GTF3C2: variants seen among roughly 807,000 people sequenced by gnomAD.
The protein encoded by GTF3C2 is general transcription factor IIIC subunit 2, also known as general transcription factor 3C polypeptide 2.
In GTF3C2, 17 loss-of-function variants were observed where a neutral mutation model predicts 117.4. The ratio of observed to expected loss-of-function variants is 0.14; its 90% CI spans 0.10 to 0.22. The LOEUF (loss-of-function observed/expected upper bound fraction) is 0.22, where lower values mean the gene tolerates loss of function less well. Ranked by LOEUF, GTF3C2 falls within the 10% of genes least tolerant of loss-of-function variation. GTF3C2 has a pLI of 1.00. For missense variants in GTF3C2, 888 were observed against 1,143.6 expected, an observed-to-expected ratio of 0.78 and a Z score of 3.22; for synonymous variants, 437 against 427.0, an observed-to-expected ratio of 1.02 and a Z score of -0.29.
chr2:27,338,107 TTC>T, intron 4 of GTF3C2, 87 bp from the exon 5 acceptor site: 1 of 829,422 alleles, frequency 1.2e-6, no homozygotes, highest in Non-Finnish European at 2.1e-6. Flanking sequence ...AGTTTTTATC[TTC>T]TTTGGCAATA....
intron 17 of GTF3C2, 42 bp from the exon 18 acceptor site, chr2:27,327,326 T>C (rs1439221988): frequency 3.7e-6 from 4 of 1,088,956 alleles, no homozygotes; most frequent in Admixed American, 1.9e-5. Context: ...AGTGAGACGC[T>C]CGTTTGTTTT....
chr2:27,326,414 C>G, exon 19 of GTF3C2: 1 of 568,192 alleles, frequency 1.8e-6, no homozygotes, highest in Non-Finnish European at 3.2e-6. Context: ...CTAGGTCAGG[C>G]CTGAGTGTTT....
chr2:27,347,969 A>G (rs941217090), intron 1 of GTF3C2, among the ~76,000 whole-genome samples: 1 of 152,008 alleles, frequency 6.6e-6, no homozygotes, highest in Non-Finnish European at 1.5e-5. Context: ...CCCTGTCTCT[A>G]CAGAAAAATA....
chr2:27,343,469 T>C, exon 2 of GTF3C2: 1 of 1,614,084 alleles, frequency 6.2e-7, no homozygotes, highest in East Asian at 2.2e-5. Context: ...ATTTAGCACC[T>C]CTTGTCCAGG....
chr2:27,353,525 G>A (rs1005202389), intron 1 of GTF3C2, among the ~76,000 whole-genome samples: 2 of 151,732 alleles, frequency 1.3e-5, no homozygotes, highest in Middle Eastern at 3.2e-3. Context: ...CGCTGCCTCC[G>A]CCTCTGGGGT....
At chr2:27,354,348 G>C (rs1029612692) in intron 1 of GTF3C2, among the ~76,000 whole-genome samples, 14 of 152,126 alleles carry the variant, frequency 9.2e-5, no homozygotes, top group African/African-American at 3.4e-4. Context: ...GAAGCAGACT[G>C]ACCACGTCTA....
chr2:27,334,296 T>C (rs939132167), intron 10 of GTF3C2, among the ~76,000 whole-genome samples: 3 of 152,124 alleles, frequency 2.0e-5, no homozygotes, highest in East Asian at 1.9e-4. Flanking sequence ...TTATCCTTTA[T>C]TGAGAAAGTC....
intron 10 of GTF3C2, among the ~76,000 whole-genome samples, chr2:27,334,984 T>C (rs1445200038): frequency 6.6e-6 from 1 of 152,118 alleles, no homozygotes; most frequent in African/African-American, 2.4e-5. Context: ...ATATTTACTA[T>C]CTTTACTTTC....
chr2:27,348,868 C>T (rs1196023771), intron 1 of GTF3C2, among the ~76,000 whole-genome samples: 2 of 152,156 alleles, frequency 1.3e-5, no homozygotes, highest in Non-Finnish European at 1.5e-5. Context: ...TGGAGTCTTG[C>T]TCTTGTCACC....
chr2:27,346,330 C>A (rs9711708), intron 1 of GTF3C2, among the ~76,000 whole-genome samples: 6 of 64,302 alleles, frequency 9.3e-5, no homozygotes, highest in Admixed American at 2.3e-4. Context: ...ATTCTGATAC[C>A]TTTTTTTTTT....
intron 1 of GTF3C2, among the ~76,000 whole-genome samples, chr2:27,345,871 A>G (rs1680900000): frequency 6.6e-6 from 1 of 150,702 alleles, no homozygotes; most frequent in Admixed American, 6.6e-5. Flanking sequence ...CCGCCACCAC[A>G]CCCAGCTAAA....
chr2:27,342,328 A>G, intron 3 of GTF3C2, 95 bp from the exon 4 acceptor site: 1 of 973,326 alleles, frequency 1.0e-6, no homozygotes. Context: ...GAGCCTCCCA[A>G]TAACCCCATG....
chr2:27,328,008 C>A (rs1441924889), intron 17 of GTF3C2, 29 bp downstream of exon 17: 2 of 1,583,202 alleles, frequency 1.3e-6, no homozygotes, highest in Non-Finnish European at 1.7e-6. Context: ...TTTTCTAATA[C>A]CACACCCATT....
chr2:27,335,730 G>A (rs1680441913), intron 9 of GTF3C2, 24 bp from the exon 10 acceptor site: 1 of 1,449,872 alleles, frequency 6.9e-7, no homozygotes, highest in Non-Finnish European at 9.5e-7. Flanking sequence ...GGTATGCTGA[G>A]GCTTGCTGCC....
At position 27,329,332 on chromosome 2, in the gene GTF3C2, C is replaced by T. The variant is rs1680201340; in HGVS notation, c.1877+47G>A. ...AATCCAAACAAATCCGGAAGTCAGC[C>T]TGTCCCAGTCTTCACCTTCCCCCTC... On this transcript the variant is annotated intron_variant, in intron 13 of 18. Transcript: ENST00000264720. This position sits in a 1 kb window ranked among gnomAD's most constrained non-coding sequence, Gnocchi z 4.5. 2 of 1,613,924 alleles carry T rather than the reference C, an allele frequency of 1.2e-6. No individual in the cohort carries two copies. The highest frequency in any genetic ancestry group is 3.3e-5 in the Admixed American group (2 of 60,028).
chr2:27,342,418 G>A lies in GTF3C2; in HGVS notation c.570-185C>T, dbSNP rs111847750. ...GAAATCTAAGTTATGTGACTTGGCC[G>A]AGATGACTGAGATAACAAATGTGGA... On this transcript the variant is annotated intron_variant, in intron 3 of 18. Coordinates refer to ENST00000264720, the Ensembl canonical transcript of GTF3C2. The A allele has an allele frequency of 3.5e-3, 2,026 of 585,150 alleles. 8 individuals carry two copies. The highest frequency in any genetic ancestry group is 5.0e-3 in the Non-Finnish European group (1,661 of 333,198). 36.2% of individuals were successfully genotyped at this position (585,150 alleles called of 1,614,324 possible). A position where few individuals can be genotyped will look rare whatever the true frequency, so the allele number is the denominator to read the frequency against.
exon 4 of GTF3C2, chr2:27,342,006 C>A (rs1325547335): frequency 6.2e-7 from 1 of 1,607,108 alleles, no homozygotes; most frequent in East Asian, 2.2e-5. Context: ...TTCAGATGAG[C>A]TCTCACTTGG....
chr2:27,326,891 T>C, exon 19 of GTF3C2: 1 of 1,600,996 alleles, frequency 6.2e-7, no homozygotes, highest in Non-Finnish European at 8.6e-7. Context: ...GGCTGAAACG[T>C]ACCTGTGAAG....
intron 10 of GTF3C2, 79 bp from the exon 11 acceptor site, chr2:27,334,078 T>A: frequency 9.8e-7 from 1 of 1,016,208 alleles, no homozygotes; most frequent in South Asian, 1.3e-5. Context: ...CAGGCCCGAG[T>A]GCAGTGGCAT....
Sources: allele counts gnomAD v4.1 joint callset (sites outside exome capture counted in the v4.1 genomes callset), GRCh38; gene constraint gnomAD v4.1.1; non-coding constraint Gnocchi (gnomAD v3.1); transcripts MANE v1.5; gene names NCBI Gene and HGNC (gene_info 2026-07-23, HGNC 2026-07-21).